ZNF431: variants seen among roughly 807,000 people sequenced by gnomAD.
The protein encoded by ZNF431 is zinc finger protein 431.
Under a neutral mutation model 57.0 loss-of-function variants are expected in ZNF431, and 34 were observed. The observed-to-expected ratio is 0.60, with a 90% CI of 0.45 to 0.79. The LOEUF (loss-of-function observed/expected upper bound fraction) is 0.79, where lower values mean the gene tolerates loss of function less well. ZNF431 is among the 30% of genes least tolerant of loss of function. ZNF431 has a pLI of 0.00. For synonymous variants in ZNF431, 207 were observed against 220.3 expected (o/e 0.94, Z 0.54); for missense variants, 607 against 667.1 (o/e 0.91, Z 0.99).
chr19:21,194,042 G>T lies in ZNF431; in HGVS notation c.*10008G>T, dbSNP rs1359737485. On this transcript the variant is annotated 3_prime_UTR_variant, in exon 5 of 5. Coordinates refer to ENST00000311048, the MANE Select transcript of ZNF431 (RefSeq NM_133473.4). ...ATCTAACAAAATGAAAAAATAAATG[G>T]CATCCAAATAGGAAAAGAAGAAGTG... is the stretch of plus-strand genomic sequence containing the variant. 1 of 152,036 alleles carries T rather than the reference G, an allele frequency of 6.6e-6. No homozygotes were observed. Among genetic ancestry groups the T allele is most frequent in the Admixed American group, 6.6e-5 (1 of 15,266 alleles). 9.4% of individuals were successfully genotyped at this position (152,036 alleles called of 1,614,324 possible).
intron 2 of ZNF431, among the ~76,000 whole-genome samples, chr19:21,145,271 C>T (rs558793442): frequency 1.3e-5 from 2 of 152,106 alleles, no homozygotes; most frequent in Admixed American, 1.3e-4. Context: ...GTCAGGAGAT[C>T]GAGACCATCC....
At chr19:21,169,913 A>G (rs1970833366) in intron 4 of ZNF431, 3 of 398,536 alleles carry the variant, frequency 7.5e-6, no homozygotes, top group Non-Finnish European at 1.3e-5. Flanking sequence ...GGCTGCAAAT[A>G]GGTGTCTTCC....
At chr19:21,178,201 A>T (rs994385597) in intron 4 of ZNF431, among the ~76,000 whole-genome samples, 2 of 152,208 alleles carry the variant, frequency 1.3e-5, no homozygotes, top group Non-Finnish European at 2.9e-5. Context: ...GCTGCTTATT[A>T]GATGAAGAAG....
At chr19:21,160,654 G>A (rs1404492781) in intron 2 of ZNF431, among the ~76,000 whole-genome samples, 1 of 152,162 alleles carries the variant, frequency 6.6e-6, no homozygotes, top group Non-Finnish European at 1.5e-5. Flanking sequence ...ATTTGAGGAT[G>A]TCCAGGGCAG....
rs1971357899 is a variant in ZNF431, at chr19:21,185,795, ATAG to A, written c.*1765_*1767del. ...TTTTAATAGGAGAATACAATATATA[ATAG>A]TAGCAGGGTTAAGTAAGGCATCCAT... is the stretch of plus-strand genomic sequence containing the variant. On this transcript the variant is annotated 3_prime_UTR_variant, in exon 5 of 5. Coordinates refer to ENST00000311048, the MANE Select transcript of ZNF431 (RefSeq NM_133473.4). 2 of 152,108 alleles carry A rather than the reference ATAG, an allele frequency of 1.3e-5. No homozygotes were observed. Among genetic ancestry groups the A allele is most frequent in the South Asian group, 2.1e-4 (1 of 4,828 alleles). 9.4% of individuals were successfully genotyped at this position (152,108 alleles called of 1,614,324 possible). A position where few individuals can be genotyped will look rare whatever the true frequency, so the allele number is the denominator to read the frequency against.
At chr19:21,157,616 C>T (rs1970453453) in intron 2 of ZNF431, among the ~76,000 whole-genome samples, 1 of 151,944 alleles carries the variant, frequency 6.6e-6, no homozygotes, top group African/African-American at 2.4e-5. Context: ...ACTGCAACCT[C>T]TGCCTCCTAG....
chr19:21,168,277 A>T (rs1031069138), intron 4 of ZNF431, among the ~76,000 whole-genome samples: 2 of 152,158 alleles, frequency 1.3e-5, no homozygotes, highest in African/African-American at 4.8e-5. Context: ...TGTGAAAAAA[A>T]TACCACTGGA....
Position 21,168,578 on chromosome 19 carries a change from G to A in ZNF431, c.319+912G>A, listed in dbSNP as rs117553886. Among the ~76,000 whole-genome samples, 281 of 152,174 alleles carry A rather than the reference G, an allele frequency of 1.8e-3. 9 individuals carry two copies. In the East Asian group the frequency reaches 0.048, roughly 26 times the overall value. Reference sequence around the variant, plus strand: ...AGTTGGGGTTTCACCGTGCTGTTCAGACTGGTCTCAAACTCCTGACCTTGT... The same window carrying A: ...AGTTGGGGTTTCACCGTGCTGTTCAAACTGGTCTCAAACTCCTGACCTTGT... On this transcript the variant is annotated intron_variant, in intron 4 of 4. Coordinates refer to ENST00000311048, the MANE Select transcript of ZNF431 (RefSeq NM_133473.4).
chr19:21,179,629 G>A (rs1971158801), intron 4 of ZNF431, among the ~76,000 whole-genome samples: 4 of 147,872 alleles, frequency 2.7e-5, no homozygotes, highest in Middle Eastern at 6.9e-3. Context: ...GTGTGATCTC[G>A]GCTCACTGCA....
At chr19:21,152,691 G>A (rs1299071041) in intron 2 of ZNF431, among the ~76,000 whole-genome samples, 1 of 152,100 alleles carries the variant, frequency 6.6e-6, no homozygotes, top group Non-Finnish European at 1.5e-5. Flanking sequence ...CTGTGTCTTA[G>A]GAGAGACTCT....
rs1438969897 is a variant in ZNF431, at chr19:21,182,816, C to G, written c.513C>G (p.Thr171=). 6.2e-7 allele frequency: 1 copy of G among 1,613,752 alleles called. No individual in the cohort carries two copies. Among genetic ancestry groups the G allele is most frequent in the East Asian group, 2.2e-5 (1 of 44,848 alleles). ...YNELNQCLTT[T]QSKIFPCDKY... ...AGCTAAACCAGTGTTTGACAACTAC[C>G]CAGAGCAAAATATTTCCATGTGATA... The change falls in exon 5 of 5, where the codon ACC becomes ACG. Residue 171 remains threonine, a synonymous_variant. Coordinates refer to ENST00000311048, the MANE Select transcript of ZNF431 (RefSeq NM_133473.4).
chr19:21,180,366 G>A (rs1236542202), intron 4 of ZNF431, among the ~76,000 whole-genome samples: 1 of 152,150 alleles, frequency 6.6e-6, no homozygotes, highest in Non-Finnish European at 1.5e-5. Flanking sequence ...TAGCAAGGCA[G>A]GCCTGGTGGT....
At chr19:21,165,041 G>A (rs1036768425) in intron 2 of ZNF431, among the ~76,000 whole-genome samples, 1 of 146,636 alleles carries the variant, frequency 6.8e-6, no homozygotes, top group African/African-American at 2.6e-5. Flanking sequence ...CCTGGGAGAC[G>A]GAGGTTGTGG....
intron 1 of ZNF431, among the ~76,000 whole-genome samples, chr19:21,143,213 C>T (rs921280388): frequency 7.2e-5 from 11 of 152,130 alleles, no homozygotes; most frequent in Non-Finnish European, 1.0e-4. Context: ...CATTAAATGA[C>T]GCTTTTCAAA....
rs547863089 is a variant in ZNF431 at position 21,194,513 on chromosome 19, G to C, written c.*10479G>C. On this transcript the variant is annotated 3_prime_UTR_variant, in exon 5 of 5. Coordinates refer to ENST00000311048, the MANE Select transcript of ZNF431 (RefSeq NM_133473.4). ...TGAGACAGTGTTGCTCTGTGGCCTAGGCTGGAGTGCAGTGGTGCGATCTTG... is the reference window on the plus strand; with the variant it reads ...TGAGACAGTGTTGCTCTGTGGCCTACGCTGGAGTGCAGTGGTGCGATCTTG... 6 of 151,000 alleles carry C rather than the reference G, an allele frequency of 4.0e-5. No individual in the cohort carries two copies. Among genetic ancestry groups the C allele is most frequent in the Admixed American group, 6.6e-5 (1 of 15,188 alleles). The allele number at this position is 151,000 out of a possible 1,614,324, so 9.4% of individuals were successfully genotyped here.
Position 21,182,961 on chromosome 19 carries a change from A to G in ZNF431, c.658A>G (p.Ser220Gly), listed in dbSNP as rs761711022. The G allele has an allele frequency of 1.2e-6, 2 of 1,614,130 alleles. No individual in the cohort carries two copies. Among genetic ancestry groups the G allele is most frequent in the East Asian group, 2.2e-5 (1 of 44,870 alleles). ...GKSFCMLLHLSQHKRIHIREN... is the reference protein window; with the variant it reads ...GKSFCMLLHLGQHKRIHIREN... ...ATCATTTTGCATGCTTTTACACCTA[A>G]GTCAACATAAAAGAATTCATATTAG... The change falls in exon 5 of 5, where the codon AGT becomes GGT. Residue 220 changes from serine to glycine, a missense_variant. Ser to Gly is a moderately conservative substitution (Grantham distance 56, BLOSUM62 0). Transcript: ENST00000311048.
chr19:21,154,290 A>G lies in ZNF431; in HGVS notation c.96+10647A>G, dbSNP rs1307729171. On this transcript the variant is annotated intron_variant, in intron 2 of 4. Coordinates refer to ENST00000311048, the MANE Select transcript of ZNF431 (RefSeq NM_133473.4). ...CGGTGTTTGGTTTTTTGTCCTTGCG[A>G]TAGTTTGCTGAGAATGATGGTTTCC... Among the ~76,000 whole-genome samples, 3 of 151,862 alleles carry G rather than the reference A, an allele frequency of 2.0e-5. No individual in the cohort carries two copies. In the South Asian group the frequency reaches 6.2e-4, roughly 31 times the overall value.
chr19:21,164,893 T>G (rs1202631268), intron 2 of ZNF431, among the ~76,000 whole-genome samples: 5 of 151,702 alleles, frequency 3.3e-5, no homozygotes. Flanking sequence ...GGTGGATCAC[T>G]TGAGGTTGGG....
chr19:21,177,719 C>T (rs1196270724), intron 4 of ZNF431, among the ~76,000 whole-genome samples: 2 of 151,956 alleles, frequency 1.3e-5, no homozygotes, highest in African/African-American at 4.8e-5. Context: ...ACCTGGGAGG[C>T]GGAGGTTGCA....
Sources: gnomAD v4.1 joint callset for allele counts (sites outside exome capture counted in the v4.1 genomes callset) on GRCh38, gnomAD v4.1.1 for gene constraint, MANE v1.5 for transcripts, NCBI Gene and HGNC (gene_info 2026-07-23, HGNC 2026-07-21) for gene names.